PRKN: variants seen among roughly 807,000 people sequenced by gnomAD.
The protein encoded by PRKN is parkin RBR E3 ubiquitin protein ligase, also known as E3 ubiquitin-protein ligase parkin.
A neutral mutation model predicts 59.5 loss-of-function variants in PRKN; 56 were observed. The ratio of observed to expected loss-of-function variants is 0.94; its 90% CI spans 0.76 to 1.18. The LOEUF is 1.18. PRKN is among the 50% of genes most tolerant of loss of function. The pLI, the probability that PRKN is intolerant of heterozygous loss-of-function variation, is 0.00. For synonymous variants in PRKN, 250 were observed against 222.1 expected (o/e 1.13, Z -1.12); for missense variants, 657 against 596.4 (o/e 1.10, Z -1.06).
At chr6:162,347,164 A>T (rs1784437971) in intron 2 of PRKN, among the ~76,000 whole-genome samples, 2 of 145,786 alleles carry the variant, frequency 1.4e-5, no homozygotes, top group Admixed American at 6.8e-5. Context: ...TTATTTATCC[A>T]TTTTCTTTAG....
intron 4 of PRKN, among the ~76,000 whole-genome samples, chr6:162,112,094 A>C (rs554054142): frequency 2.9e-4 from 44 of 152,358 alleles, no homozygotes; most frequent in African/African-American, 1.0e-3. Flanking sequence ...TTGTATCTAC[A>C]AACATATTGG....
intron 4 of PRKN, among the ~76,000 whole-genome samples, chr6:162,164,531 G>T (rs562750193): frequency 6.7e-6 from 1 of 149,014 alleles, no homozygotes; most frequent in South Asian, 2.1e-4. Flanking sequence ...GACTTTTTGT[G>T]TGTAGAGTGT....
intron 5 of PRKN, among the ~76,000 whole-genome samples, chr6:162,010,091 T>C (rs1016872191): frequency 1.3e-5 from 2 of 150,458 alleles, no homozygotes; most frequent in Non-Finnish European, 2.9e-5. Context: ...ATTTTAGAAA[T>C]GGGAACAATG....
At chr6:161,977,312 G>A (rs578090616) in intron 5 of PRKN, among the ~76,000 whole-genome samples, 11 of 152,186 alleles carry the variant, frequency 7.2e-5, no homozygotes, top group Middle Eastern at 3.4e-3. Context: ...CCCTCCACAC[G>A]TCTCTCTCAG....
At chr6:162,182,588 G>T (rs1356577477) in intron 4 of PRKN, among the ~76,000 whole-genome samples, 1 of 152,168 alleles carries the variant, frequency 6.6e-6, no homozygotes, top group Non-Finnish European at 1.5e-5. Context: ...TCTGAAACAT[G>T]GGATGGCAAG....
intron 2 of PRKN, among the ~76,000 whole-genome samples, chr6:162,400,457 C>CAAAAAA (rs3081908): frequency 2.0e-4 from 20 of 98,692 alleles, no homozygotes; most frequent in South Asian, 3.9e-4. Flanking sequence ...ATGTAAATAT[C>CAAAAAA]AAAAAAAAAA....
chr6:162,622,003 G>A (rs1480612385), intron 1 of PRKN, among the ~76,000 whole-genome samples: 2 of 152,052 alleles, frequency 1.3e-5, no homozygotes, highest in African/African-American at 4.8e-5. Context: ...AGTAGAGACG[G>A]GGCTTCACCA....
intron 2 of PRKN, among the ~76,000 whole-genome samples, chr6:162,441,089 T>C (rs1790026447): frequency 6.6e-6 from 1 of 152,004 alleles, no homozygotes; most frequent in Non-Finnish European, 1.5e-5. Flanking sequence ...TTTTTCAGTG[T>C]CCTCAGACAC....
At chr6:162,306,185 T>A (rs1782213881) in intron 2 of PRKN, among the ~76,000 whole-genome samples, 1 of 152,180 alleles carries the variant, frequency 6.6e-6, no homozygotes, top group African/African-American at 2.4e-5. Context: ...GAAGTAACCC[T>A]AAATGAACCC....
chr6:162,355,171 A>AT (rs1183616965), intron 2 of PRKN, among the ~76,000 whole-genome samples: 1 of 151,514 alleles, frequency 6.6e-6, no homozygotes, highest in Non-Finnish European at 1.5e-5. Context: ...TGTTATATTG[A>AT]TAATAGAGAA....
At chr6:161,760,417 T>TC (rs1016777545) in intron 7 of PRKN, among the ~76,000 whole-genome samples, 1 of 151,616 alleles carries the variant, frequency 6.6e-6, no homozygotes, top group African/African-American at 2.4e-5. Flanking sequence ...ACCCTTTTTT[T>TC]CAAGCCTCAA....
chr6:161,779,160 G>A (rs902713001), intron 7 of PRKN, among the ~76,000 whole-genome samples: 1 of 151,798 alleles, frequency 6.6e-6, no homozygotes, highest in South Asian at 2.1e-4. Flanking sequence ...GGCTGGTCTC[G>A]AACTGCTGAC....
rs915446880 is a variant in PRKN at position 161,502,398 on chromosome 6, T to C, written c.1083+46456A>G. 1.3e-5 allele frequency among the ~76,000 whole-genome samples: 2 copies of C among 152,136 alleles called. No individual in the cohort carries two copies. The highest frequency in any genetic ancestry group is 4.8e-5 in the African/African-American group (2 of 41,434). On this transcript the variant is annotated intron_variant, in intron 9 of 11. Transcript: ENST00000366898. The surrounding 1 kb of genome is among the most constrained non-coding windows in gnomAD (Gnocchi z 4.0). ...AAAGGAGAGCTTCTAGAAGTAAACATGACTGATGGTAAAGGACCCCTTCTA... is the reference window on the plus strand; with the variant it reads ...AAAGGAGAGCTTCTAGAAGTAAACACGACTGATGGTAAAGGACCCCTTCTA...
intron 1 of PRKN, among the ~76,000 whole-genome samples, chr6:162,528,323 G>GAA (rs35973128): frequency 1.7e-4 from 23 of 135,722 alleles, no homozygotes; most frequent in South Asian, 4.7e-4. Context: ...CGTCTCAAAA[G>GAA]AAAAAAAAAA....
chr6:162,072,444 T>G (rs1444267944), intron 4 of PRKN, among the ~76,000 whole-genome samples: 1 of 152,156 alleles, frequency 6.6e-6, no homozygotes, highest in Non-Finnish European at 1.5e-5. Flanking sequence ...ATTCTGAGCA[T>G]GGAGAACAGA....
At chr6:162,296,832 C>A (rs1781697301) in intron 2 of PRKN, among the ~76,000 whole-genome samples, 1 of 152,052 alleles carries the variant, frequency 6.6e-6, no homozygotes, top group African/African-American at 2.4e-5. Flanking sequence ...CTTCAGCTAC[C>A]CAAGGATTTA....
At chr6:161,769,258 C>T (rs1789561552) in intron 7 of PRKN, among the ~76,000 whole-genome samples, 1 of 152,156 alleles carries the variant, frequency 6.6e-6, no homozygotes. Context: ...AAAACTGGTG[C>T]ATAGGTTTGG....
intron 2 of PRKN, among the ~76,000 whole-genome samples, chr6:162,417,191 A>G (rs186321436): frequency 9.8e-5 from 15 of 152,342 alleles, no homozygotes; most frequent in African/African-American, 3.4e-4. Flanking sequence ...GTTGTGATAC[A>G]AACTACCTAC....
Position 161,428,260 on chromosome 6 carries a change from A to G in PRKN, c.1084-41383T>C, listed in dbSNP as rs182370349. On this transcript the variant is annotated intron_variant, in intron 9 of 11. Transcript: ENST00000366898. This position sits in a 1 kb window ranked among gnomAD's most constrained non-coding sequence, Gnocchi z 4.0. ...TAAAAGAATCCAATCCTTTATCAAA[A>G]GACTCCAGCATTTTTCCTTCCATTG... 7.4e-4 allele frequency among the ~76,000 whole-genome samples: 113 copies of G among 152,338 alleles called. 1 individual carries two copies. The highest frequency in any genetic ancestry group is 1.9e-3 in the African/African-American group (77 of 41,582).
Sources: gnomAD v4.1 joint callset for allele counts (sites outside exome capture counted in the v4.1 genomes callset) on GRCh38, gnomAD v4.1.1 for gene constraint, Gnocchi (gnomAD v3.1) non-coding constraint, MANE v1.5 for transcripts, NCBI Gene and HGNC (gene_info 2026-07-23, HGNC 2026-07-21) for gene names.